Variants in TAFA5 observed in about 807,000 individuals in gnomAD.
TAFA5 encodes chemokine-like protein TAFA-5.
A neutral mutation model predicts 15.3 loss-of-function variants in TAFA5; 6 were observed. The observed-to-expected ratio is 0.39, with a 90% CI of 0.21 to 0.77. TAFA5 has a LOEUF of 0.77. Among genes scored for constraint, TAFA5 ranks in the 30% least tolerant of loss-of-function variants. The pLI is 0.41. For missense variants in TAFA5, 161 were observed against 193.1 expected (o/e 0.83, Z 0.98); for synonymous variants, 103 against 80.7 (o/e 1.28, Z -1.48).
intron 1 of TAFA5, among the ~76,000 whole-genome samples, chr22:48,623,511 A>T (rs1309740403): frequency 6.6e-6 from 1 of 152,160 alleles, no homozygotes; most frequent in Non-Finnish European, 1.5e-5. Flanking sequence ...TGTCGGTATC[A>T]CCTTTTGAGC....
intron 1 of TAFA5, among the ~76,000 whole-genome samples, chr22:48,498,516 C>T (rs890476661): frequency 1.3e-5 from 2 of 152,084 alleles, no homozygotes; most frequent in African/African-American, 4.8e-5. Flanking sequence ...GTGGAAAACT[C>T]AAACCCTCCT....
In TAFA5 at chr22:48,600,161, G is replaced by A. The variant is rs768566599; in HGVS notation, c.113-46436G>A. ...TCTTTTACCATTCGCTGTCACAGCC[G>A]AGATCTCCCCTGTGTCAGTGATCCT... On this transcript the variant is annotated intron_variant, in intron 1 of 3. Coordinates refer to ENST00000402357, the MANE Select transcript of TAFA5 (RefSeq NM_001082967.3). 2.2e-4 allele frequency among the ~76,000 whole-genome samples: 34 copies of A among 152,300 alleles called. No individual in the cohort carries two copies. In the Middle Eastern group the frequency reaches 0.02, roughly 91 times the overall value.
intron 2 of TAFA5, among the ~76,000 whole-genome samples, chr22:48,658,841 C>G (rs1927337494): frequency 6.6e-6 from 1 of 152,188 alleles, no homozygotes; most frequent in Admixed American, 6.5e-5. Flanking sequence ...CCCAGGCAGT[C>G]ATGGAATAAG....
At position 48,539,267 on chromosome 22, in the gene TAFA5, G is replaced by T. The variant is rs1251389127; in HGVS notation, c.112+49563G>T. 1.4e-5 allele frequency: 6 copies of T among 440,662 alleles called. No homozygotes were observed. In the East Asian group the frequency reaches 4.3e-4, roughly 31 times the overall value. The allele number at this position is 440,662 out of a possible 1,614,324, so 27.3% of individuals were successfully genotyped here. On this transcript the variant is annotated intron_variant, in intron 1 of 3. Transcript: ENST00000402357. ...CTGGCCCAGCCAGGGCCCTGGAGAG[G>T]TGGCCAGAAAGACCCTGGCGGACTC...
chr22:48,566,989 T>C lies in TAFA5; in HGVS notation c.112+77285T>C, dbSNP rs937620252. Among the ~76,000 whole-genome samples, 3 of 152,206 alleles carry C rather than the reference T, an allele frequency of 2.0e-5. No homozygotes were observed. The South Asian group carries it at 6.2e-4, about 32-fold the overall frequency. On this transcript the variant is annotated intron_variant, in intron 1 of 3. Coordinates refer to ENST00000402357, the MANE Select transcript of TAFA5 (RefSeq NM_001082967.3). The surrounding 1 kb of genome is among the most constrained non-coding windows in gnomAD (Gnocchi z 4.5). ...TGGCCGCACTGGATTCCCCTTTCCC[T>C]GCGGAAGGGCACTTGCGTTGTCTCC...
chr22:48,722,618 TG>T (rs1929602526), intron 3 of TAFA5, among the ~76,000 whole-genome samples: 1 of 152,190 alleles, frequency 6.6e-6, no homozygotes, highest in Non-Finnish European at 1.5e-5. Flanking sequence ...GACAGGTTGA[TG>T]GGTGCAGCAA....
intron 1 of TAFA5, among the ~76,000 whole-genome samples, chr22:48,603,637 C>A (rs952238380): frequency 6.6e-6 from 1 of 152,162 alleles, no homozygotes; most frequent in South Asian, 2.1e-4. Context: ...TGCGCTGAGC[C>A]GAAGGGCAGG....
At chr22:48,749,303 TTTGA>T (rs759418347) in intron 3 of TAFA5, among the ~76,000 whole-genome samples, 10 of 152,098 alleles carry the variant, frequency 6.6e-5, no homozygotes, top group Non-Finnish European at 1.3e-4. Flanking sequence ...TATGTGGTCA[TTTGA>T]TTGGGCAGCC....
At chr22:48,502,817 A>T (rs5768684) in intron 1 of TAFA5, among the ~76,000 whole-genome samples, 2 of 152,214 alleles carry the variant, frequency 1.3e-5, no homozygotes, top group South Asian at 4.1e-4. Flanking sequence ...CCACCACCGC[A>T]CCTGGCCAAG....
chr22:48,691,270 C>A (rs1053758415), intron 2 of TAFA5, among the ~76,000 whole-genome samples: 1 of 152,178 alleles, frequency 6.6e-6, no homozygotes, highest in Admixed American at 6.5e-5. Context: ...CGCCTCCTCT[C>A]GTGGCTGTAA....
chr22:48,684,192 C>T lies in TAFA5; in HGVS notation c.263-23525C>T, dbSNP rs549543659. ...GAGTGAGCGTTCGGAAGCAGAAGTG[C>T]GTGGGGATGGCTTGGCTCTGCCGTC... On this transcript the variant is annotated intron_variant, in intron 2 of 3. Transcript: ENST00000402357. Among the ~76,000 whole-genome samples the T allele has an allele frequency of 9.7e-4, 148 of 152,100 alleles. 2 individuals are homozygous for T. Among genetic ancestry groups the T allele is most frequent in the African/African-American group, 3.4e-3 (142 of 41,468 alleles).
At chr22:48,709,079 G>C (rs966641405) in intron 3 of TAFA5, among the ~76,000 whole-genome samples, 2 of 152,178 alleles carry the variant, frequency 1.3e-5, no homozygotes, top group Admixed American at 6.5e-5. Flanking sequence ...AGCCCCCCAT[G>C]GGTTTCTCAG....
intron 1 of TAFA5, among the ~76,000 whole-genome samples, chr22:48,532,463 G>A (rs1228389955): frequency 6.6e-6 from 1 of 152,196 alleles, no homozygotes; most frequent in Non-Finnish European, 1.5e-5. Flanking sequence ...AGGATTTATT[G>A]TGTCTTCAGG....
Position 48,570,671 on chromosome 22 carries a change from T to C in TAFA5, c.113-75926T>C, listed in dbSNP as rs185829780. 2.1e-3 allele frequency among the ~76,000 whole-genome samples: 324 copies of C among 152,378 alleles called. 1 individual carries two copies. The highest frequency in any genetic ancestry group is 3.8e-3 in the Non-Finnish European group (257 of 68,036). On this transcript the variant is annotated intron_variant, in intron 1 of 3. Coordinates refer to ENST00000402357, the MANE Select transcript of TAFA5 (RefSeq NM_001082967.3). ...GGGCCTACTTTCTCCATTAAAACACTGCCTTCCTCTTTTCATTCCTCTATT... is the reference window on the plus strand; with the variant it reads ...GGGCCTACTTTCTCCATTAAAACACCGCCTTCCTCTTTTCATTCCTCTATT...
chr22:48,578,571 G>A (rs532351514), intron 1 of TAFA5, among the ~76,000 whole-genome samples: 6 of 152,346 alleles, frequency 3.9e-5, no homozygotes, highest in Admixed American at 3.3e-4. Context: ...AGACGGCGCA[G>A]TCATAGGAAG....
At chr22:48,524,597 A>G (rs1261868785) in intron 1 of TAFA5, among the ~76,000 whole-genome samples, 3 of 152,204 alleles carry the variant, frequency 2.0e-5, no homozygotes, top group African/African-American at 7.2e-5. Context: ...GCCTCCGTCC[A>G]CAGCCCACCC....
Position 48,490,009 on chromosome 22 carries a change from G to T in TAFA5, c.112+305G>T, listed in dbSNP as rs549085758. Among the ~76,000 whole-genome samples, 14 of 152,044 alleles carry T rather than the reference G, an allele frequency of 9.2e-5. No individual in the cohort carries two copies. In the East Asian group the frequency reaches 2.7e-3, roughly 30 times the overall value. ...GGCCCGTCCCTGCCCGGCGGTCGGA[G>T]CCCAGCCAGCGGCTTCCCGGCCGAG... On this transcript the variant is annotated intron_variant, in intron 1 of 3. Transcript: ENST00000402357. This position sits in a 1 kb window ranked among gnomAD's most constrained non-coding sequence, Gnocchi z 5.8.
At chr22:48,723,411 C>T (rs529944351) in intron 3 of TAFA5, among the ~76,000 whole-genome samples, 36 of 152,152 alleles carry the variant, frequency 2.4e-4, no homozygotes, top group Admixed American at 3.9e-4. Context: ...TCTACCCCGT[C>T]GTGTTCATCA....
intron 1 of TAFA5, among the ~76,000 whole-genome samples, chr22:48,528,305 G>T (rs1921850152): frequency 1.3e-5 from 2 of 152,190 alleles, no homozygotes; most frequent in African/African-American, 2.4e-5. Context: ...GGGCCTTGGG[G>T]CATGAGTCGG....
Sources: gnomAD v4.1 joint callset for allele counts (sites outside exome capture counted in the v4.1 genomes callset) on GRCh38, gnomAD v4.1.1 for gene constraint, Gnocchi (gnomAD v3.1) non-coding constraint, MANE v1.5 for transcripts, NCBI Gene and HGNC (gene_info 2026-07-23, HGNC 2026-07-21) for gene names.